The following KYAT1 variants were observed in gnomAD, a reference collection of about 807,000 sequenced individuals.
KYAT1 encodes kynurenine aminotransferase 1, also known as kynurenine--oxoglutarate transaminase 1.
A neutral mutation model predicts 52.4 loss-of-function variants in KYAT1; 47 were observed. That is an observed-to-expected ratio of 0.90 (90% CI 0.71 to 1.14). The LOEUF is 1.14. Ranked by LOEUF, KYAT1 falls within the 50% of genes most tolerant of loss-of-function variation. KYAT1 has a pLI of 0.00. For synonymous variants in KYAT1, 212 were observed against 209.6 expected, an observed-to-expected ratio of 1.01 and a Z score of -0.10; for missense variants, 480 against 557.9, an observed-to-expected ratio of 0.86 and a Z score of 1.41.
chr9:128,852,864 C>T (rs1223621788), intron 1 of KYAT1, among the ~76,000 whole-genome samples: 1 of 152,156 alleles, frequency 6.6e-6, no homozygotes, highest in Non-Finnish European at 1.5e-5. Flanking sequence ...ACCATTAACT[C>T]CAGAAGCAAC....
At chr9:128,834,379 C>G (rs1466150589) in intron 11 of KYAT1, among the ~76,000 whole-genome samples, 1 of 152,110 alleles carries the variant, frequency 6.6e-6, no homozygotes, top group Admixed American at 6.6e-5. Context: ...CAGGGCAGAG[C>G]CAGAGAAGAA....
intron 1 of KYAT1, among the ~76,000 whole-genome samples, chr9:128,869,815 G>C (rs963002044): frequency 6.6e-6 from 1 of 150,992 alleles, no homozygotes; most frequent in Non-Finnish European, 1.5e-5. Flanking sequence ...GTGCAGAGGC[G>C]TGATCTTAGC....
chr9:128,865,820 C>T (rs1836290695), intron 1 of KYAT1, among the ~76,000 whole-genome samples: 1 of 152,074 alleles, frequency 6.6e-6, no homozygotes, highest in Non-Finnish European at 1.5e-5. Context: ...ACTGACCCAC[C>T]CAGATTTCCC....
chr9:128,876,076 A>G (rs1324972705), intron 1 of KYAT1, among the ~76,000 whole-genome samples: 1 of 152,106 alleles, frequency 6.6e-6, no homozygotes, highest in Non-Finnish European at 1.5e-5. Context: ...GCTGGAATCC[A>G]GGCTTGGCAG....
At chr9:128,840,725 T>C in intron 3 of KYAT1, 1 of 420,260 alleles carries the variant, frequency 2.4e-6, no homozygotes, top group South Asian at 1.8e-5. Context: ...ATTATTTACT[T>C]AGTTGTTTGT....
intron 1 of KYAT1, among the ~76,000 whole-genome samples, chr9:128,850,743 G>A (rs558126579): frequency 6.6e-6 from 1 of 152,300 alleles, no homozygotes; most frequent in African/African-American, 2.4e-5. Context: ...ACTGTCTCCT[G>A]CCTGCCCCTG....
intron 1 of KYAT1, among the ~76,000 whole-genome samples, chr9:128,872,810 G>A (rs1310719490): frequency 1.4e-5 from 2 of 142,848 alleles, no homozygotes; most frequent in African/African-American, 5.2e-5. Flanking sequence ...TGGTGGCTCA[G>A]GCCTGTAATC....
intron 1 of KYAT1, among the ~76,000 whole-genome samples, chr9:128,869,312 C>T (rs1050832732): frequency 4.6e-5 from 7 of 151,892 alleles, no homozygotes; most frequent in African/African-American, 1.7e-4. Flanking sequence ...CAGGCGCGAG[C>T]CACCACGCCC....
rs748772456 is a variant in KYAT1, at chr9:128,835,982, C to T, written c.765+15G>A. 6.2e-7 allele frequency: 1 copy of T among 1,610,282 alleles called. No individual in the cohort carries two copies. The highest frequency in any genetic ancestry group is 1.7e-5 in the Admixed American group (1 of 59,986). ...TCTTGCAGGGGGTGGTGACCTCCCA[C>T]CCTCAGCAACTCACCTTCCAGCCAG... On this transcript the variant is annotated intron_variant, in intron 8 of 12. Coordinates refer to ENST00000302586, the MANE Select transcript of KYAT1 (RefSeq NM_004059.5).
chr9:128,874,200 G>A (rs1454679464), intron 1 of KYAT1, among the ~76,000 whole-genome samples: 5 of 151,060 alleles, frequency 3.3e-5, no homozygotes, highest in Non-Finnish European at 7.4e-5. Context: ...AGGTTGCAGT[G>A]AGCCGAGATC....
intron 1 of KYAT1, among the ~76,000 whole-genome samples, chr9:128,872,755 G>A (rs1218824872): frequency 6.7e-6 from 1 of 150,302 alleles, no homozygotes; most frequent in African/African-American, 2.5e-5. Flanking sequence ...GTGACAGAGC[G>A]AGACTCCGTC....
intron 1 of KYAT1, among the ~76,000 whole-genome samples, chr9:128,871,861 C>A (rs1837275937): frequency 6.6e-6 from 1 of 152,174 alleles, no homozygotes; most frequent in Admixed American, 6.6e-5. Flanking sequence ...GGCGTGGTGG[C>A]TCATGCCTGT....
At chr9:128,837,533 G>T in intron 6 of KYAT1, 152 bp downstream of exon 6, 1 of 880,706 alleles carries the variant, frequency 1.1e-6, no homozygotes, top group East Asian at 2.6e-5. Flanking sequence ...CCCCTGTCCT[G>T]GGACCTCTGG....
Position 128,833,555 on chromosome 9 carries a change from G to C in KYAT1, c.*29C>G, listed in dbSNP as rs774020712. Reference sequence around the variant, plus strand: ...AAGAGGATCTCTGCGGGCATGTGGGGATGTCAGGGCCAAGGCGTGACTTCA... The same window carrying C: ...AAGAGGATCTCTGCGGGCATGTGGGCATGTCAGGGCCAAGGCGTGACTTCA... On this transcript the variant is annotated 3_prime_UTR_variant, in exon 13 of 13. Transcript: ENST00000302586. 1.2e-6 allele frequency: 2 copies of C among 1,607,994 alleles called. No homozygotes were observed. The highest frequency in any genetic ancestry group is 2.2e-5 in the South Asian group (2 of 90,944).
intron 1 of KYAT1, among the ~76,000 whole-genome samples, chr9:128,878,344 A>G (rs913268168): frequency 1.3e-4 from 20 of 152,114 alleles, no homozygotes; most frequent in African/African-American, 4.8e-4. Flanking sequence ...CACGTTGCCC[A>G]GGTTGGTCTC....
At position 128,833,500 on chromosome 9, in the gene KYAT1, G is replaced by A; in HGVS notation, c.*84C>T. ...ATAGCATCTTCCCCAACCTAGAAAT[G>A]TCTGAAACCTGGACAAAGACAGACA... On this transcript the variant is annotated 3_prime_UTR_variant, in exon 13 of 13. Coordinates refer to ENST00000302586, the MANE Select transcript of KYAT1 (RefSeq NM_004059.5). 2 of 1,396,036 alleles carry A rather than the reference G, an allele frequency of 1.4e-6. No individual in the cohort carries two copies. The highest frequency in any genetic ancestry group is 1.8e-4 in the Middle Eastern group (1 of 5,656). 86.5% of individuals were successfully genotyped at this position (1,396,036 alleles called of 1,614,324 possible).
At chr9:128,836,129 G>A (rs1344237782) in intron 7 of KYAT1, 56 bp from the exon 8 acceptor site, 3 of 1,548,240 alleles carry the variant, frequency 1.9e-6, no homozygotes, top group Non-Finnish European at 2.7e-6. Context: ...GACGGGGGAG[G>A]ATGGTGGTCT....
chr9:128,841,800 C>CCATGTTT (rs1409093120), intron 3 of KYAT1, among the ~76,000 whole-genome samples: 15 of 151,900 alleles, frequency 9.9e-5, no homozygotes, highest in Non-Finnish European at 2.9e-5. Flanking sequence ...GAGTTTCAGA[C>CCATGTTT]CAGTCTGAGC....
At chr9:128,834,468 A>T (rs1830646330) in intron 11 of KYAT1, among the ~76,000 whole-genome samples, 1 of 152,118 alleles carries the variant, frequency 6.6e-6, no homozygotes, top group South Asian at 2.1e-4. Context: ...AGATGGGAAG[A>T]TGGAGATCCA....
Sources: allele counts gnomAD v4.1 joint callset (sites outside exome capture counted in the v4.1 genomes callset), GRCh38; gene constraint gnomAD v4.1.1; transcripts MANE v1.5; gene names NCBI Gene and HGNC (gene_info 2026-07-23, HGNC 2026-07-21).